Variants in PRPF4 observed in about 807,000 individuals in gnomAD.
The protein encoded by PRPF4 is U4/U6 small nuclear ribonucleoprotein Prp4.
In PRPF4, 14 loss-of-function variants were observed where a neutral mutation model predicts 72.2. That is an observed-to-expected ratio of 0.19 (90% CI 0.13 to 0.30). The LOEUF (loss-of-function observed/expected upper bound fraction) is 0.30. Ranked by LOEUF, PRPF4 falls within the 10% of genes least tolerant of loss-of-function variation. The probability of loss-of-function intolerance (pLI) is 1.00; values close to 1 mark genes in which losing one functional copy is unlikely to be tolerated. For missense variants in PRPF4, 478 were observed against 653.9 expected (o/e 0.73, Z 2.93); for synonymous variants, 225 against 232.2 (o/e 0.97, Z 0.28).
chr9:113,276,819 C>A (rs1832114509), intron 2 of PRPF4, 94 bp downstream of exon 2: 11 of 1,357,860 alleles, frequency 8.1e-6, no homozygotes, highest in African/African-American at 2.9e-5. Flanking sequence ...CAAAAAATTA[C>A]AATTTTTTTT....
At position 113,276,670 on chromosome 9, in the gene PRPF4, G is replaced by A. The variant is rs199728999; in HGVS notation, c.150G>A (p.Leu50=). ...ERLAKGESGI[L]GKDGLKAGIE... ...TGGCCAAAGGAGAGTCTGGGATTTT[G>A]GGGAAAGACGGACTTAAAGCAGGGA... is the stretch of plus-strand genomic sequence containing the variant. The change falls in exon 2 of 14, where the codon TTG becomes TTA. Residue 50 remains leucine, a synonymous_variant. Coordinates refer to ENST00000374198, the MANE Select transcript of PRPF4 (RefSeq NM_001244926.2). The A allele has an allele frequency of 1.2e-6, 2 of 1,613,986 alleles. No individual in the cohort carries two copies. The highest frequency in any genetic ancestry group is 1.6e-4 in the Middle Eastern group (1 of 6,062).
At chr9:113,279,433 G>A (rs1370522143) in intron 3 of PRPF4, among the ~76,000 whole-genome samples, 4 of 152,006 alleles carry the variant, frequency 2.6e-5, no homozygotes, top group East Asian at 1.9e-4. Flanking sequence ...TCGTGATCTC[G>A]GCTCACTGCA....
chr9:113,282,962 A>G lies in PRPF4; in HGVS notation c.481-170A>G, dbSNP rs866971018. On this transcript the variant is annotated intron_variant, in intron 4 of 13. Coordinates refer to ENST00000374198, the MANE Select transcript of PRPF4 (RefSeq NM_001244926.2). ...GAATCATGGCATTCCTGGTATAACC[A>G]TGTAGTTACATATCATAGAAAAAAA... is the stretch of plus-strand genomic sequence containing the variant. The G allele has an allele frequency of 1.6e-5, 20 of 1,245,406 alleles. No individual in the cohort carries two copies. The Middle Eastern group carries it at 7.4e-4, about 46-fold the overall frequency. 77.1% of individuals were successfully genotyped at this position (1,245,406 alleles called of 1,614,324 possible).
In PRPF4 at chr9:113,283,185, A is replaced by G. The variant is rs142840491; in HGVS notation, c.534A>G (p.Leu178=). The change falls in exon 5 of 14, where the codon CTA becomes CTG. Residue 178 remains leucine (L), a synonymous_variant. Coordinates refer to ENST00000374198, the MANE Select transcript of PRPF4 (RefSeq NM_001244926.2). ...EGPNSLKVAR[L]WIANYSLPRA... is the part of the protein sequence containing the mutation. Reference sequence around the variant, plus strand: ...CAAATAGCTTGAAGGTGGCAAGACTATGGATTGCTAATTATTCGTTGCCCA... The same window carrying G: ...CAAATAGCTTGAAGGTGGCAAGACTGTGGATTGCTAATTATTCGTTGCCCA... 33 of 1,614,222 alleles carry G rather than the reference A, an allele frequency of 2.0e-5. No homozygotes were observed. The African/African-American group carries it at 3.7e-4, about 18-fold the overall frequency.
At chr9:113,288,085 T>A in intron 9 of PRPF4, 90 bp from the exon 10 acceptor site, 1 of 1,243,502 alleles carries the variant, frequency 8.0e-7, no homozygotes, top group Admixed American at 2.0e-5. Flanking sequence ...TCTCGTGTTG[T>A]ACAGAATGGG....
intron 1 of PRPF4, among the ~76,000 whole-genome samples, chr9:113,276,275 A>G (rs1170321562): frequency 6.6e-6 from 1 of 152,240 alleles, no homozygotes; most frequent in Non-Finnish European, 1.5e-5. Context: ...GGAATGAAGT[A>G]AACAGATTTC....
At chr9:113,289,563 A>T (rs1832548572) in intron 10 of PRPF4, among the ~76,000 whole-genome samples, 1 of 152,098 alleles carries the variant, frequency 6.6e-6, no homozygotes, top group Admixed American at 6.5e-5. Flanking sequence ...CCTGATCATT[A>T]TTGCTCTTGA....
rs1361530967 is a variant in PRPF4, at chr9:113,288,224, G to A, written c.982G>A (p.Val328Ile). 6.2e-6 allele frequency: 10 copies of A among 1,614,228 alleles called. No individual in the cohort carries two copies. Among genetic ancestry groups the A allele is most frequent in the Non-Finnish European group, 8.5e-6 (10 of 1,180,040 alleles). The change falls in exon 10 of 14, where the codon GTA (valine) becomes ATA (isoleucine). Residue 328 changes from valine to isoleucine, a missense_variant. Physicochemically the swap from Val to Ile is conservative, Grantham distance 29. Coordinates refer to ENST00000374198, the MANE Select transcript of PRPF4 (RefSeq NM_001244926.2). ...IEGHTVRVARVMWHPSGRFLG... is the reference protein window; with the variant it reads ...IEGHTVRVARIMWHPSGRFLG... The stretch of plus-strand genomic sequence containing the variant: ...AGGCCATACAGTGCGTGTGGCGCGG[G>A]TAATGTGGCATCCTTCAGGACGTTT...
At chr9:113,278,679 C>T (rs1174988095) in intron 2 of PRPF4, among the ~76,000 whole-genome samples, 1 of 152,214 alleles carries the variant, frequency 6.6e-6, no homozygotes, top group Non-Finnish European at 1.5e-5. Flanking sequence ...CTCTTACTTG[C>T]TGGTCTCAGC....
intron 13 of PRPF4, 68 bp downstream of exon 13, chr9:113,291,084 G>A (rs1832596176): frequency 6.8e-7 from 1 of 1,470,928 alleles, no homozygotes. Context: ...GTGGAATGCA[G>A]GCCAGGCTTT....
Position 113,292,279 on chromosome 9 carries a change from C to T in PRPF4, c.*619C>T. 1 of 152,362 alleles carries T rather than the reference C, an allele frequency of 6.6e-6. No individual in the cohort carries two copies. Among genetic ancestry groups the T allele is most frequent in the Admixed American group, 6.5e-5 (1 of 15,296 alleles). The allele number at this position is 152,362 out of a possible 1,614,324, so 9.4% of individuals were successfully genotyped here. ...TCACAGCACCCAGGATTGTGACTGACTCTGCATTTTTAATTCTTGAAACTT... is the reference window on the plus strand; with the variant it reads ...TCACAGCACCCAGGATTGTGACTGATTCTGCATTTTTAATTCTTGAAACTT... On this transcript the variant is annotated 3_prime_UTR_variant, in exon 14 of 14. Coordinates refer to ENST00000374198, the MANE Select transcript of PRPF4 (RefSeq NM_001244926.2).
chr9:113,285,792 G>A (rs978648628), intron 7 of PRPF4, among the ~76,000 whole-genome samples: 9 of 152,012 alleles, frequency 5.9e-5, no homozygotes, highest in African/African-American at 2.2e-4. Context: ...TTGAGCCTGG[G>A]AGGTTGAGGC....
In PRPF4 at chr9:113,282,728, G is replaced by A. The variant is rs749236935; in HGVS notation, c.475G>A (p.Glu159Lys). ...TGATGAGAAGTCTAAAAAGTCCAAA[G>A]AAGAGGTAGAACATGTCTTTAACTT... ...KDDEKSKKSK[E>K]EYQQTWYHEG... The change falls in exon 4 of 14, where the codon GAA (glutamate) becomes AAA (lysine). Residue 159 changes from glutamate (E) to lysine (K), a missense_variant. Coordinates refer to ENST00000374198, the MANE Select transcript of PRPF4 (RefSeq NM_001244926.2). 2 of 1,599,606 alleles carry A rather than the reference G, an allele frequency of 1.3e-6. No individual in the cohort carries two copies. The highest frequency in any genetic ancestry group is 1.7e-6 in the Non-Finnish European group (2 of 1,167,862).
chr9:113,291,969 T>G lies in PRPF4; in HGVS notation c.*309T>G. The G allele has an allele frequency of 5.6e-6, 1 of 178,778 alleles. No homozygotes were observed. The highest frequency in any genetic ancestry group is 1.2e-5 in the Non-Finnish European group (1 of 85,056). The allele number at this position is 178,778 out of a possible 1,614,324, so 11.1% of individuals were successfully genotyped here. ...GGCTCACGCCTGTAATCCTAGCACT[T>G]TGGGAGGCCGAGGTGGGTAGATCGC... is the stretch of plus-strand genomic sequence containing the variant. On this transcript the variant is annotated 3_prime_UTR_variant, in exon 14 of 14. Transcript: ENST00000374198.
intron 9 of PRPF4, 115 bp downstream of exon 9, chr9:113,286,943 C>A: frequency 6.9e-7 from 1 of 1,449,324 alleles, no homozygotes. Flanking sequence ...GTGGCTCACA[C>A]CTTAAGGCTG....
intron 5 of PRPF4, 26 bp downstream of exon 5, chr9:113,283,237 A>T: frequency 6.2e-7 from 1 of 1,614,144 alleles, no homozygotes; most frequent in Non-Finnish European, 8.5e-7. Flanking sequence ...AGTAGAAGAA[A>T]GAAGCATATT....
intron 2 of PRPF4, among the ~76,000 whole-genome samples, chr9:113,278,056 A>C (rs1369792999): frequency 6.6e-6 from 1 of 152,232 alleles, no homozygotes; most frequent in Admixed American, 6.5e-5. Context: ...TTTTAAAATT[A>C]ATTGATTGTA....
At position 113,282,706 on chromosome 9, in the gene PRPF4, TGAG is replaced by T; in HGVS notation, c.454_456del (p.Glu152del). On this transcript the variant is annotated inframe_deletion, in exon 4 of 14. Coordinates refer to ENST00000374198, the MANE Select transcript of PRPF4 (RefSeq NM_001244926.2). ...CCTTGAAAAAGACCAAAAAGGATGA[TGAG>T]AAGTCTAAAAAGTCCAAAGAAGAGG... 1 of 1,610,930 alleles carries T rather than the reference TGAG, an allele frequency of 6.2e-7. No homozygotes were observed. The highest frequency in any genetic ancestry group is 8.5e-7 in the Non-Finnish European group (1 of 1,177,654).
At chr9:113,282,995 G>C in intron 4 of PRPF4, 137 bp from the exon 5 acceptor site, 1 of 1,491,130 alleles carries the variant, frequency 6.7e-7, no homozygotes, top group Non-Finnish European at 9.0e-7. Flanking sequence ...AAATTCAGTA[G>C]AAAGTCCTCT....
Sources: allele counts gnomAD v4.1 joint callset (sites outside exome capture counted in the v4.1 genomes callset), GRCh38; gene constraint gnomAD v4.1.1; transcripts MANE v1.5; gene names NCBI Gene and HGNC (gene_info 2026-07-23, HGNC 2026-07-21).